The following NOTCH2NLR variants were observed in gnomAD, a reference collection of about 807,000 sequenced individuals.
NOTCH2NLR encodes notch 2 N-terminal like R.
In NOTCH2NLR, 33 loss-of-function variants were observed where a neutral mutation model predicts 35.6. The ratio of observed to expected loss-of-function variants is 0.93; its 90% confidence interval spans 0.70 to 1.24. The LOEUF (loss-of-function observed/expected upper bound fraction) is 1.24, where lower values mean the gene tolerates loss of function less well. NOTCH2NLR is among the 50% of genes most tolerant of loss of function. NOTCH2NLR has a pLI of 0.00. For synonymous variants in NOTCH2NLR, 103 were observed against 141.0 expected (o/e 0.73, Z 1.91); for missense variants, 276 against 362.2 (o/e 0.76, Z 1.93).
Position 120,785,254 on chromosome 1 carries a change from CA to C in NOTCH2NLR, c.415+22del. The C allele has an allele frequency of 7.6e-6, 11 of 1,443,064 alleles. 1 individual carries two copies. Among genetic ancestry groups the C allele is most frequent in the Non-Finnish European group, 1.0e-5 (11 of 1,079,902 alleles). The allele number at this position is 1,443,064 out of a possible 1,614,324, so 89.4% of individuals were successfully genotyped here. The stretch of plus-strand genomic sequence containing the variant: ...TACAGGTAACTAATGAGACCAAAGC[CA>C]GTGCTTCCCTACCTTCAGCAGATAC... On this transcript the variant is annotated intron_variant, in intron 3 of 4. Coordinates refer to ENST00000624419, the Ensembl canonical transcript of NOTCH2NLR.
intron 3 of NOTCH2NLR, among the ~76,000 whole-genome samples, chr1:120,792,659 GC>G (rs1271180443): frequency 9.7e-6 from 1 of 102,714 alleles, no homozygotes; most frequent in Non-Finnish European, 1.9e-5. Flanking sequence ...GCGCCACCAT[GC>G]CCAGCTAATT....
chr1:120,724,147 G>C, exon 1 of NOTCH2NLR: 1 of 1,278,062 alleles, frequency 7.8e-7, no homozygotes, highest in Non-Finnish European at 1.0e-6. Context: ...CGGCGGCGGC[G>C]GCGGAGGAGG....
exon 5 of NOTCH2NLR, chr1:120,793,771 G>C: frequency 1.0e-6 from 1 of 1,000,974 alleles, no homozygotes; most frequent in Non-Finnish European, 1.5e-6. Context: ...AAGAGGAACA[G>C]AGCTCTGGGA....
At position 120,769,640 on chromosome 1, in the gene NOTCH2NLR, G is replaced by A. The variant is rs1461617491; in HGVS notation, c.155+5931G>A. ...TTTTCTTAAAATGTAATGTGTTCAG[G>A]TTTTATTAATTCAAGAGTTATTTAT... On this transcript the variant is annotated intron_variant, in intron 2 of 4. Transcript: ENST00000624419. Among the ~76,000 whole-genome samples, 7 of 121,278 alleles carry A rather than the reference G, an allele frequency of 5.8e-5. 3 individuals are homozygous for A. Among genetic ancestry groups the A allele is most frequent in the African/African-American group, 3.1e-4 (7 of 22,906 alleles). The allele number at this position is 121,278 out of a possible 152,430, so 79.6% of individuals were successfully genotyped here. A position where few individuals can be genotyped will look rare whatever the true frequency, so the allele number is the denominator to read the frequency against.
intron 3 of NOTCH2NLR, among the ~76,000 whole-genome samples, chr1:120,790,800 A>C (rs1274069079): frequency 9.5e-6 from 1 of 105,134 alleles, no homozygotes; most frequent in Non-Finnish European, 1.8e-5. Context: ...GCGTTTCACC[A>C]TGTTGGCCAG....
intron 1 of NOTCH2NLR, among the ~76,000 whole-genome samples, chr1:120,760,070 G>A (rs2101400470): frequency 1.0e-5 from 1 of 99,316 alleles, no homozygotes. Context: ...TTGTCTTCCT[G>A]TGCCTTATTT....
At chr1:120,791,632 A>C (rs2101469068) in intron 3 of NOTCH2NLR, among the ~76,000 whole-genome samples, 1 of 39,166 alleles carries the variant, frequency 2.6e-5, no homozygotes, top group Non-Finnish European at 4.4e-5. Flanking sequence ...GAACATCACA[A>C]ACCGGGGCCT....
At position 120,724,262 on chromosome 1, in the gene NOTCH2NLR, G is replaced by A. The variant is rs1650789078; in HGVS notation, c.73+12G>A. The A allele has an allele frequency of 2.2e-6, 3 of 1,389,538 alleles. No individual in the cohort carries two copies. The highest frequency in any genetic ancestry group is 4.4e-5 in the Admixed American group (2 of 45,510). The allele number at this position is 1,389,538 out of a possible 1,614,324, so 86.1% of individuals were successfully genotyped here. On this transcript the variant is annotated intron_variant, in intron 1 of 4. Coordinates refer to ENST00000624419, the Ensembl canonical transcript of NOTCH2NLR. ...GGCCCCCGCGCATGGTGAGTATCGG[G>A]CTGAGGGGCGCTGTCCGCGGCGCCC...
Position 120,725,227 on chromosome 1 carries a change from CT to C in NOTCH2NLR, c.73+980del, listed in dbSNP as rs1192028442. ...TTTAGATTCTACATTTCTTCAGACCCTTTAGTGGAAATAACTTGGGCTTTGG... is the reference window on the plus strand; with the variant it reads ...TTTAGATTCTACATTTCTTCAGACCCTTAGTGGAAATAACTTGGGCTTTGG... On this transcript the variant is annotated intron_variant, in intron 1 of 4. Coordinates refer to ENST00000624419, the Ensembl canonical transcript of NOTCH2NLR. 2.7e-3 allele frequency among the ~76,000 whole-genome samples: 277 copies of C among 104,254 alleles called. 63 individuals carry two copies. Among genetic ancestry groups the C allele is most frequent in the Non-Finnish European group, 3.9e-3 (224 of 57,452 alleles). 68.4% of individuals were successfully genotyped at this position (104,254 alleles called of 152,430 possible). A position where few individuals can be genotyped will look rare whatever the true frequency, so the allele number is the denominator to read the frequency against.
rs1312700138 is a variant in NOTCH2NLR at position 120,724,243 on chromosome 1, C to A, written c.66C>A (p.Pro22=). 16 of 1,401,792 alleles carry A rather than the reference C, an allele frequency of 1.1e-5. 3 individuals carry two copies. The Middle Eastern group carries it at 1.2e-3, about 104-fold the overall frequency. 86.8% of individuals were successfully genotyped at this position (1,401,792 alleles called of 1,614,324 possible). Residue 22 remains proline, a synonymous_variant, in exon 1 of 5, where the codon CCC becomes CCA. Coordinates refer to ENST00000624419, the Ensembl canonical transcript of NOTCH2NLR. ...CGCTCTGGCTGTGCTGGGCGGCCCC[C>A]GCGCATGGTGAGTATCGGGCTGAGG...
intron 1 of NOTCH2NLR, among the ~76,000 whole-genome samples, chr1:120,752,594 A>T (rs1197221860): frequency 6.5e-5 from 1 of 15,410 alleles, no homozygotes; most frequent in Non-Finnish European, 9.9e-5. Flanking sequence ...TTTTTCAGGC[A>T]GAGTCTTGCT....
Position 120,767,902 on chromosome 1 carries a change from C to T in NOTCH2NLR, c.155+4193C>T, listed in dbSNP as rs1293236686. On this transcript the variant is annotated intron_variant, in intron 2 of 4. Transcript: ENST00000624419. ...TATTGTAGTTATTTAAAATCTTTGT[C>T]TGCTGGTTCTTAACAACTGGGTTGT... 1.7e-5 allele frequency among the ~76,000 whole-genome samples: 2 copies of T among 116,550 alleles called. 1 individual carries two copies. The highest frequency in any genetic ancestry group is 3.3e-5 in the Non-Finnish European group (2 of 60,906). 76.5% of individuals were successfully genotyped at this position (116,550 alleles called of 152,430 possible).
rs1205592039 is a variant in NOTCH2NLR at position 120,747,832 on chromosome 1, C to T, written c.74-15796C>T. On this transcript the variant is annotated intron_variant, in intron 1 of 4. Transcript: ENST00000624419. ...TTTGTAGCTTATCTTTTACTCCCCA[C>T]GTTTCAAATATCCCTTTGCAAAATA... 1.8e-3 allele frequency among the ~76,000 whole-genome samples: 53 copies of T among 29,766 alleles called. 24 individuals carry two copies. The highest frequency in any genetic ancestry group is 5.6e-3 in the African/African-American group (14 of 2,482). The allele number at this position is 29,766 out of a possible 152,430, so 19.5% of individuals were successfully genotyped here. A position where few individuals can be genotyped will look rare whatever the true frequency, so the allele number is the denominator to read the frequency against.
chr1:120,770,352 G>T (rs1425476534), intron 2 of NOTCH2NLR, among the ~76,000 whole-genome samples: 1 of 109,958 alleles, frequency 9.1e-6, no homozygotes, highest in Non-Finnish European at 1.7e-5. Context: ...TGTATTTTTA[G>T]TAGAGACGGG....
chr1:120,756,316 C>T lies in NOTCH2NLR; in HGVS notation c.74-7312C>T, dbSNP rs1297033568. On this transcript the variant is annotated intron_variant, in intron 1 of 4. Transcript: ENST00000624419. ...GCCAACCACAGCCAAGATCCTAGGGCGTAAACTCAGACTTCATCTCTCAAA... is the reference window on the plus strand; with the variant it reads ...GCCAACCACAGCCAAGATCCTAGGGTGTAAACTCAGACTTCATCTCTCAAA... Among the ~76,000 whole-genome samples, 3 of 116,120 alleles carry T rather than the reference C, an allele frequency of 2.6e-5. 1 individual carries two copies. The highest frequency in any genetic ancestry group is 1.5e-4 in the African/African-American group (3 of 20,094). The allele number at this position is 116,120 out of a possible 152,430, so 76.2% of individuals were successfully genotyped here. A position where few individuals can be genotyped will look rare whatever the true frequency, so the allele number is the denominator to read the frequency against.
intron 1 of NOTCH2NLR, among the ~76,000 whole-genome samples, chr1:120,729,031 C>T (rs1281681891): frequency 8.6e-6 from 1 of 116,188 alleles, no homozygotes; most frequent in Admixed American, 8.2e-5. Context: ...AACTGAGTGG[C>T]AGGTCTTAGT....
chr1:120,791,738 T>C (rs1651495954), intron 3 of NOTCH2NLR, among the ~76,000 whole-genome samples: 1 of 65,352 alleles, frequency 1.5e-5, no homozygotes, highest in Non-Finnish European at 2.6e-5. Flanking sequence ...ATGGCACATA[T>C]ATACATATGT....
intron 1 of NOTCH2NLR, among the ~76,000 whole-genome samples, chr1:120,755,438 C>G (rs1161306596): frequency 1.1e-5 from 1 of 92,046 alleles, no homozygotes; most frequent in Non-Finnish European, 1.9e-5. Context: ...AGTCTCATCT[C>G]CAAGATCCAG....
intron 2 of NOTCH2NLR, among the ~76,000 whole-genome samples, chr1:120,767,923 G>T (rs1452737085): frequency 8.5e-6 from 1 of 117,810 alleles, no homozygotes; most frequent in Admixed American, 8.0e-5. Context: ...TAACAACTGG[G>T]TTGTCTATGG....
Sources: allele counts gnomAD v4.1 joint callset (sites outside exome capture counted in the v4.1 genomes callset), GRCh38; gene constraint gnomAD v4.1.1; transcripts MANE v1.5; gene names NCBI Gene and HGNC (gene_info 2026-07-23, HGNC 2026-07-21).